The following TTLL1 variants were observed in gnomAD, a reference collection of about 807,000 sequenced individuals.
TTLL1 encodes TTL family tubulin polyglutamylase complex subunit L1.
Under a neutral mutation model 47.8 loss-of-function variants are expected in TTLL1, and 33 were observed. The observed-to-expected ratio is 0.69, with a 90% CI of 0.52 to 0.92. TTLL1 has a LOEUF of 0.92. Among genes scored for constraint, TTLL1 ranks in the 40% least tolerant of loss-of-function variants. The probability of loss-of-function intolerance (pLI) is 0.00; values close to 1 mark genes in which losing one functional copy is unlikely to be tolerated. For missense variants in TTLL1, 488 were observed against 547.5 expected (o/e 0.89, Z 1.08); for synonymous variants, 225 against 214.1 (o/e 1.05, Z -0.45).
chr22:43,086,778 C>T (rs545028619), intron 1 of TTLL1, among the ~76,000 whole-genome samples: 8 of 152,300 alleles, frequency 5.3e-5, no homozygotes, highest in Admixed American at 4.6e-4. Context: ...TGGGCAACTG[C>T]AGCAGGCCCC....
chr22:43,080,632 C>T (rs975936409), intron 1 of TTLL1, among the ~76,000 whole-genome samples: 2 of 152,082 alleles, frequency 1.3e-5, no homozygotes, highest in African/African-American at 2.4e-5. Flanking sequence ...GCACCCTGTG[C>T]CCCACCTGGA....
chr22:43,084,458 C>T (rs932565908), intron 1 of TTLL1, among the ~76,000 whole-genome samples: 2 of 151,384 alleles, frequency 1.3e-5, no homozygotes, highest in African/African-American at 4.9e-5. Flanking sequence ...CCAGCTGACA[C>T]CTTTTTCCTT....
Position 43,054,007 on chromosome 22 carries a change from G to A in TTLL1, c.892-2120C>T, listed in dbSNP as rs185658107. ...GCGGTATTTAACCCTTCCCAATCAT[G>A]AAGTCAGTCTCTGCAGAGCACTGTT... On this transcript the variant is annotated intron_variant, in intron 8 of 10. Coordinates refer to ENST00000266254, the MANE Select transcript of TTLL1 (RefSeq NM_012263.5). 2.0e-5 allele frequency among the ~76,000 whole-genome samples: 3 copies of A among 152,342 alleles called. No individual in the cohort carries two copies. In the East Asian group the frequency reaches 5.8e-4, roughly 29 times the overall value.
intron 8 of TTLL1, chr22:43,052,218 C>T (rs1304765910): frequency 2.7e-6 from 1 of 368,896 alleles, no homozygotes; most frequent in African/African-American, 2.1e-5. Flanking sequence ...AGCCCAGAAC[C>T]TGCAGTGAAG....
Position 43,049,032 on chromosome 22 carries a change from T to C in TTLL1, c.979-2459A>G, listed in dbSNP as rs564698675. On this transcript the variant is annotated intron_variant, in intron 9 of 10. Coordinates refer to ENST00000266254, the MANE Select transcript of TTLL1 (RefSeq NM_012263.5). ...AGTTTAAAAACTCCGTATTGAATAC[T>C]ATGTTCACTATTTGGGTGACGGGCT... is the stretch of plus-strand genomic sequence containing the variant. Among the ~76,000 whole-genome samples the C allele has an allele frequency of 9.9e-5, 15 of 152,198 alleles. No individual in the cohort carries two copies. In the Middle Eastern group the frequency reaches 0.01, roughly 104 times the overall value.
In TTLL1 at chr22:43,040,230, G is replaced by A. The variant is rs1031569793; in HGVS notation, c.1143-325C>T. On this transcript the variant is annotated intron_variant, in intron 10 of 10. Coordinates refer to ENST00000266254, the MANE Select transcript of TTLL1 (RefSeq NM_012263.5). ...GTCAAATATGGCAATGACTCCAAAG[G>A]CAACATGCATGAGGTGACACAGAAC... The A allele has an allele frequency of 5.1e-5, 12 of 235,810 alleles. No individual in the cohort carries two copies. In the Admixed American group the frequency reaches 6.4e-4, roughly 13 times the overall value. 14.6% of individuals were successfully genotyped at this position (235,810 alleles called of 1,614,324 possible).
chr22:43,084,901 C>T (rs1929128669), intron 1 of TTLL1, among the ~76,000 whole-genome samples: 1 of 151,712 alleles, frequency 6.6e-6, no homozygotes, highest in African/African-American at 2.4e-5. Flanking sequence ...GGAGCTCAAC[C>T]ATGCCTGCAC....
chr22:43,045,959 A>G (rs1022634023), intron 10 of TTLL1, among the ~76,000 whole-genome samples: 1 of 152,096 alleles, frequency 6.6e-6, no homozygotes, highest in Non-Finnish European at 1.5e-5. Context: ...AGTGGCTCAC[A>G]CTTGTAATCT....
intron 3 of TTLL1, among the ~76,000 whole-genome samples, chr22:43,073,318 G>A (rs997727185): frequency 2.8e-5 from 4 of 142,900 alleles, no homozygotes; most frequent in African/African-American, 7.8e-5. Flanking sequence ...GAGCCACTGC[G>A]CCCGGTCTAT....
intron 8 of TTLL1, among the ~76,000 whole-genome samples, chr22:43,058,088 C>A (rs552716019): frequency 4.2e-3 from 633 of 151,940 alleles, no homozygotes; most frequent in Non-Finnish European, 7.0e-3. Context: ...GGACTACAGG[C>A]GCCCACTACC....
At position 43,051,801 on chromosome 22, in the gene TTLL1, C is replaced by T. The variant is rs1569418284; in HGVS notation, c.978G>A (p.Glu326=). The part of the protein sequence containing the change: ...IDDKLKPWLI[E]VNASPSLTSS... Reference sequence around the variant, plus strand: ...CAGGTGCAGGTGCTCCCGCAGTTACCTCGATCAGCCAGGGCTTCAGCTTGT... The same window carrying T: ...CAGGTGCAGGTGCTCCCGCAGTTACTTCGATCAGCCAGGGCTTCAGCTTGT... Residue 326 remains glutamate, a splice_region_variant and synonymous_variant, in exon 9 of 11, where the codon GAG becomes GAA. Transcript: ENST00000266254. 6.2e-7 allele frequency: 1 copy of T among 1,614,038 alleles called. No individual in the cohort carries two copies. The highest frequency in any genetic ancestry group is 8.5e-7 in the Non-Finnish European group (1 of 1,179,982).
At chr22:43,085,121 C>T (rs1396783492) in intron 1 of TTLL1, among the ~76,000 whole-genome samples, 1 of 151,936 alleles carries the variant, frequency 6.6e-6, no homozygotes, top group South Asian at 2.1e-4. Context: ...GGACTACAGG[C>T]GCATGCCACC....
rs756958788 is a variant in TTLL1 at position 43,059,479 on chromosome 22, G to A, written c.796C>T (p.Arg266Trp). Reference protein sequence around the residue: ...HGGKWTVSNLRLYLESTRGKE... With the variant: ...HGGKWTVSNLWLYLESTRGKE... ...CCGCGGGTGCTCTCCAGGTAGAGCC[G>A]CAGGTTACTCACTGTCCACTTGCCC... Residue 266 changes from arginine (R) to tryptophan (W), a missense_variant, in exon 8 of 11, where the codon CGG becomes TGG. By Grantham distance (101) the Arg-to-Trp change is moderately radical. Coordinates refer to ENST00000266254, the MANE Select transcript of TTLL1 (RefSeq NM_012263.5). 4.7e-5 allele frequency: 76 copies of A among 1,613,642 alleles called. No homozygotes were observed. The East Asian group carries it at 1.1e-3, about 24-fold the overall frequency.
intron 8 of TTLL1, among the ~76,000 whole-genome samples, chr22:43,055,033 T>C (rs1429706113): frequency 6.6e-6 from 1 of 151,444 alleles, no homozygotes; most frequent in Non-Finnish European, 1.5e-5. Context: ...CCCTTCTTTT[T>C]GTTTTTTGAG....
rs550570381 is a variant in TTLL1 at position 43,086,467 on chromosome 22, G to A, written c.-90+2810C>T. Among the ~76,000 whole-genome samples the A allele has an allele frequency of 4.0e-4, 61 of 152,236 alleles. 2 individuals carry two copies. In the South Asian group the frequency reaches 5.4e-3, roughly 13 times the overall value. On this transcript the variant is annotated intron_variant, in intron 1 of 10. Transcript: ENST00000266254. ...AGAGAAGGTTTCCCATGAACACCCTGGATATCAGGGCCACTGGTGGTCTAA... is the reference window on the plus strand; with the variant it reads ...AGAGAAGGTTTCCCATGAACACCCTAGATATCAGGGCCACTGGTGGTCTAA...
intron 2 of TTLL1, among the ~76,000 whole-genome samples, chr22:43,075,870 C>A (rs983042872): frequency 6.6e-6 from 1 of 152,224 alleles, no homozygotes; most frequent in African/African-American, 2.4e-5. Context: ...TATCCAGCCC[C>A]AAATGTCAAC....
intron 7 of TTLL1, among the ~76,000 whole-genome samples, chr22:43,062,406 G>C (rs185032430): frequency 6.7e-6 from 1 of 149,836 alleles, no homozygotes; most frequent in African/African-American, 2.5e-5. Context: ...CAGGAGAATC[G>C]CTTGAACCTG....
chr22:43,072,010 T>C (rs535946162), intron 3 of TTLL1, among the ~76,000 whole-genome samples: 156 of 152,330 alleles, frequency 1.0e-3, no homozygotes, highest in Admixed American at 2.7e-3. Context: ...AACAGAGGAA[T>C]TGGCCTGGGC....
Position 43,069,811 on chromosome 22 carries a change from G to A in TTLL1, c.147C>T (p.Ser49=), listed in dbSNP as rs376765206. 24 of 1,614,040 alleles carry A rather than the reference G, an allele frequency of 1.5e-5. No homozygotes were observed. Among genetic ancestry groups the A allele is most frequent in the Non-Finnish European group, 1.9e-5 (22 of 1,180,046 alleles). Residue 49 remains serine (S), a synonymous_variant, in exon 4 of 11, where the codon AGC becomes AGT. Transcript: ENST00000266254. ...MSVQTIRNVF[S]VEAGYRLSDD... is the part of the protein sequence containing the mutation. ...CTGAGAGCCGATATCCAGCTTCAAC[G>A]CTGAACACATTTCGGATGGTTTGCA... is the stretch of plus-strand genomic sequence containing the variant.
Sources: gnomAD v4.1 joint callset for allele counts (sites outside exome capture counted in the v4.1 genomes callset) on GRCh38, gnomAD v4.1.1 for gene constraint, MANE v1.5 for transcripts, NCBI Gene and HGNC (gene_info 2026-07-23, HGNC 2026-07-21) for gene names.